Variants in CD5 observed in about 807,000 individuals in gnomAD.
The protein encoded by CD5 is CD5 molecule.
CD5 carries 36 observed loss-of-function variants against 60.3 expected under a neutral mutation model. That is an observed-to-expected ratio of 0.60 (90% CI 0.46 to 0.79). The LOEUF (loss-of-function observed/expected upper bound fraction) is 0.79. CD5 is among the 30% of genes least tolerant of loss of function. The pLI is 0.00. For missense variants in CD5, 540 were observed against 630.6 expected (o/e 0.86, Z 1.54); for synonymous variants, 230 against 257.6 (o/e 0.89, Z 1.03).
Position 61,126,347 on chromosome 11 carries a change from C to G in CD5, c.*62C>G, listed in dbSNP as rs1406163824. The G allele has an allele frequency of 6.6e-6, 1 of 152,474 alleles. No homozygotes were observed. Among genetic ancestry groups the G allele is most frequent in the Admixed American group, 6.5e-5 (1 of 15,294 alleles). 9.4% of individuals were successfully genotyped at this position (152,474 alleles called of 1,614,324 possible). On this transcript the variant is annotated 3_prime_UTR_variant, in exon 11 of 11. Transcript: ENST00000347785. The stretch of plus-strand genomic sequence containing the variant: ...ACCTGTTTGTCCTGAGAAAACTGTC[C>G]GCTCTTCACTTGAAATCATGTCCCT...
At chr11:61,115,592 G>A (rs758591068) in intron 2 of CD5, among the ~76,000 whole-genome samples, 53 of 152,318 alleles carry the variant, frequency 3.5e-4, no homozygotes, top group African/African-American at 1.1e-3. Flanking sequence ...AGGCAACACC[G>A]CATCTCCCAC....
chr11:61,108,431 C>T (rs1860805194), intron 1 of CD5, among the ~76,000 whole-genome samples: 1 of 152,186 alleles, frequency 6.6e-6, no homozygotes, highest in Non-Finnish European at 1.5e-5. Flanking sequence ...CAGTGTGACT[C>T]TATATGTGTT....
rs577943925 is a variant in CD5 at position 61,104,526 on chromosome 11, T to G, written c.55+1911T>G. Among the ~76,000 whole-genome samples, 11 of 152,234 alleles carry G rather than the reference T, an allele frequency of 7.2e-5. No individual in the cohort carries two copies. In the South Asian group the frequency reaches 2.3e-3, roughly 32 times the overall value. On this transcript the variant is annotated intron_variant, in intron 1 of 10. Transcript: ENST00000347785. Reference sequence around the variant, plus strand: ...AACTGAATCCCATCATGGGTGAGGCTCCTGATGGCACCAGGCAAGTCCCCT... The same window carrying G: ...AACTGAATCCCATCATGGGTGAGGCGCCTGATGGCACCAGGCAAGTCCCCT...
intron 1 of CD5, among the ~76,000 whole-genome samples, chr11:61,104,586 G>T (rs1009831435): frequency 6.6e-6 from 1 of 152,212 alleles, no homozygotes; most frequent in Admixed American, 6.5e-5. Context: ...AAGACTTGGA[G>T]GTAGCCCCTT....
At chr11:61,097,464 G>A in the CD5 span, among the ~76,000 whole-genome samples, 1 of 152,224 alleles carries the variant, frequency 6.6e-6, no homozygotes. Flanking sequence ...AAATCACATA[G>A]AGAGGAATCC....
chr11:61,115,024 C>G lies in CD5; in HGVS notation c.56-32C>G, dbSNP rs1481125827. The G allele has an allele frequency of 5.2e-6, 8 of 1,548,578 alleles. No homozygotes were observed. In the South Asian group the frequency reaches 9.5e-5, roughly 18 times the overall value. Reference sequence around the variant, plus strand: ...GGAGAAGGGAGAGAGTGGGAGGTTTCACTTCCTGACCCTCCTCTCTTCTTT... The same window carrying G: ...GGAGAAGGGAGAGAGTGGGAGGTTTGACTTCCTGACCCTCCTCTCTTCTTT... On this transcript the variant is annotated intron_variant, in intron 1 of 10. Coordinates refer to ENST00000347785, the MANE Select transcript of CD5 (RefSeq NM_014207.4).
chr11:61,109,460 T>C (rs1860821044), intron 1 of CD5, among the ~76,000 whole-genome samples: 1 of 152,088 alleles, frequency 6.6e-6, no homozygotes, highest in African/African-American at 2.4e-5. Flanking sequence ...TGTCCTATTT[T>C]TCAAAAACGC....
In CD5 at chr11:61,122,845, T is replaced by C; in HGVS notation, c.1100-62T>C. On this transcript the variant is annotated intron_variant, in intron 6 of 10. Transcript: ENST00000347785. ...GGCGGAAGCCAGGCAGCCAGCAGCT[T>C]CCCTCCCACAGTTTTTCTCCCCCCA... 3 of 1,521,658 alleles carry C rather than the reference T, an allele frequency of 2.0e-6. No homozygotes were observed. In the South Asian group the frequency reaches 3.7e-5, roughly 19 times the overall value. 94.3% of individuals were successfully genotyped at this position (1,521,658 alleles called of 1,614,324 possible). A position where few individuals can be genotyped will look rare whatever the true frequency, so the allele number is the denominator to read the frequency against.
upstream of CD5, among the ~76,000 whole-genome samples, chr11:61,100,476 G>C (rs572197458): frequency 1.8e-3 from 259 of 144,496 alleles, 1 homozygote; most frequent in African/African-American, 6.4e-3. Flanking sequence ...CATCAACATG[G>C]AGATTACACA....
upstream of CD5, among the ~76,000 whole-genome samples, chr11:61,100,379 G>T (rs1383621775): frequency 7.0e-6 from 1 of 142,214 alleles, no homozygotes; most frequent in Non-Finnish European, 1.5e-5. Context: ...TCAACATGGA[G>T]ATCACACACA....
chr11:61,109,964 G>C (rs564835676), intron 1 of CD5, among the ~76,000 whole-genome samples: 1 of 152,030 alleles, frequency 6.6e-6, no homozygotes, highest in Middle Eastern at 3.2e-3. Flanking sequence ...CTGGAGTCTC[G>C]GGGATTCTGT....
the CD5 span, among the ~76,000 whole-genome samples, chr11:61,097,193 ATG>A: frequency 1.3e-5 from 2 of 152,162 alleles, no homozygotes; most frequent in African/African-American, 2.4e-5. Flanking sequence ...ATGTCACTTC[ATG>A]TTATGTATGC....
chr11:61,103,714 G>C (rs1241060156), intron 1 of CD5, among the ~76,000 whole-genome samples: 2 of 149,702 alleles, frequency 1.3e-5, no homozygotes, highest in South Asian at 2.1e-4. Flanking sequence ...TGAGTACTGT[G>C]TGTAGGGGAA....
At chr11:61,112,369 C>T (rs185569041) in intron 1 of CD5, among the ~76,000 whole-genome samples, 3 of 152,284 alleles carry the variant, frequency 2.0e-5, no homozygotes, top group East Asian at 3.9e-4. Context: ...ATTGGCTGGG[C>T]GCGGTGGCTC....
At chr11:61,109,518 CT>C (rs11355003) in intron 1 of CD5, among the ~76,000 whole-genome samples, 33,373 of 148,358 alleles carry the variant, frequency 0.22, 3,980 homozygotes, top group African/African-American at 0.28. Flanking sequence ...TAAAAGAAAC[CT>C]TTTTTTTTTT....
chr11:61,113,238 G>A (rs922457586), intron 1 of CD5, among the ~76,000 whole-genome samples: 2 of 152,226 alleles, frequency 1.3e-5, no homozygotes, highest in Non-Finnish European at 2.9e-5. Context: ...GCACCTAACT[G>A]ATCACGCTAG....
the CD5 span, among the ~76,000 whole-genome samples, chr11:61,093,992 A>G: frequency 6.6e-6 from 1 of 151,524 alleles, no homozygotes; most frequent in African/African-American, 2.4e-5. Context: ...GGCTGAATAA[A>G]CCCCTTCCTT....
chr11:61,117,875 G>A (rs927065773), intron 2 of CD5, among the ~76,000 whole-genome samples: 2 of 152,292 alleles, frequency 1.3e-5, no homozygotes, highest in South Asian at 4.1e-4. Context: ...GAATTTCCAG[G>A]ACAGGGGCCA....
intron 2 of CD5, among the ~76,000 whole-genome samples, chr11:61,116,903 C>T (rs1327739145): frequency 1.3e-5 from 2 of 151,306 alleles, no homozygotes. Context: ...ACACACCACA[C>T]ACACACATAT....
Sources: gnomAD v4.1 joint callset for allele counts (sites outside exome capture counted in the v4.1 genomes callset) on GRCh38, gnomAD v4.1.1 for gene constraint, MANE v1.5 for transcripts, NCBI Gene and HGNC (gene_info 2026-07-23, HGNC 2026-07-21) for gene names.